ALG5: variants seen among roughly 807,000 people sequenced by gnomAD.
ALG5 encodes ALG5 dolichyl-phosphate beta-glucosyltransferase, also known as dolichyl-phosphate beta-glucosyltransferase.
ALG5 carries 26 observed loss-of-function variants against 51.8 expected under a neutral mutation model. That is an observed-to-expected ratio of 0.50 (90% CI 0.37 to 0.70). ALG5 has a LOEUF of 0.70. Among genes scored for constraint, ALG5 ranks in the 30% least tolerant of loss-of-function variants. The probability of loss-of-function intolerance (pLI) is 0.00; values close to 1 mark genes in which losing one functional copy is unlikely to be tolerated. For missense variants in ALG5, 311 were observed against 399.3 expected, an observed-to-expected ratio of 0.78 and a Z score of 1.88; for synonymous variants, 141 against 136.1, an observed-to-expected ratio of 1.04 and a Z score of -0.25.
intron 8 of ALG5, 37 bp downstream of exon 8, chr13:36,965,538 A>G (rs776940161): frequency 5.0e-6 from 8 of 1,595,302 alleles, no homozygotes; most frequent in Non-Finnish European, 6.0e-6. Flanking sequence ...TGGCTGGGTC[A>G]TAAGACAGAC....
intron 2 of ALG5, 140 bp downstream of exon 2, chr13:36,995,285 G>A (rs1593688391): frequency 3.1e-6 from 3 of 953,390 alleles, no homozygotes; most frequent in Non-Finnish European, 4.7e-6. Context: ...CCTCTCTGCC[G>A]AACTACAACA....
At chr13:36,993,704 T>C in intron 3 of ALG5, 32 bp from the exon 4 acceptor site, 1 of 1,571,336 alleles carries the variant, frequency 6.4e-7, no homozygotes, top group Non-Finnish European at 8.7e-7. Context: ...TAATACAATT[T>C]GGCATAACTG....
At chr13:36,972,844 T>C (rs886799365) in intron 6 of ALG5, among the ~76,000 whole-genome samples, 4 of 151,758 alleles carry the variant, frequency 2.6e-5, no homozygotes, top group Non-Finnish European at 5.9e-5. Flanking sequence ...TTCACAAAAT[T>C]AGCTGGGCGT....
chr13:36,998,507 G>C (rs1352006574), intron 1 of ALG5, among the ~76,000 whole-genome samples: 2 of 152,182 alleles, frequency 1.3e-5, no homozygotes, highest in African/African-American at 4.8e-5. Flanking sequence ...GTGCGGGAGA[G>C]AGTTCGCCAA....
At chr13:36,984,366 G>A (rs750975909) in intron 6 of ALG5, among the ~76,000 whole-genome samples, 2 of 152,016 alleles carry the variant, frequency 1.3e-5, no homozygotes, top group Non-Finnish European at 2.9e-5. Context: ...CTCCCACAGT[G>A]CTGGAATTAC....
At chr13:36,969,072 C>G (rs1056230328) in intron 7 of ALG5, among the ~76,000 whole-genome samples, 2 of 152,140 alleles carry the variant, frequency 1.3e-5, no homozygotes, top group African/African-American at 2.4e-5. Flanking sequence ...TGGATGGAGA[C>G]AAGATGAATT....
Position 36,992,395 on chromosome 13 carries a change from C to T in ALG5, c.354+1209G>A, listed in dbSNP as rs144194656. Among the ~76,000 whole-genome samples the T allele has an allele frequency of 6.5e-3, 983 of 152,218 alleles. 12 individuals are homozygous for T. Among genetic ancestry groups the T allele is most frequent in the African/African-American group, 0.023 (954 of 41,526 alleles). On this transcript the variant is annotated intron_variant, in intron 4 of 9. Coordinates refer to ENST00000239891, the MANE Select transcript of ALG5 (RefSeq NM_013338.5). The stretch of plus-strand genomic sequence containing the variant: ...TGGCACAATACTTGAGACTGCAAAA[C>T]CAAGAAGATAAAGTCATTATATAAG...
rs1331294574 is a variant in ALG5, at chr13:36,969,617, C to T, written c.621+2360G>A. 6.6e-5 allele frequency among the ~76,000 whole-genome samples: 10 copies of T among 152,192 alleles called. No homozygotes were observed. In the South Asian group the frequency reaches 2.1e-3, roughly 32 times the overall value. ...GGCCTGATCTCAGCTCACCTGCAAC[C>T]TCTGCCTCCCGGGTTCACGTGATTC... On this transcript the variant is annotated intron_variant, in intron 7 of 9. Transcript: ENST00000239891.
At chr13:36,955,849 G>A (rs1315327587) in intron 8 of ALG5, among the ~76,000 whole-genome samples, 6 of 151,986 alleles carry the variant, frequency 3.9e-5, no homozygotes. Context: ...CCTCAACATG[G>A]ATTAAAGACT....
chr13:36,950,182 C>A, intron 9 of ALG5, 125 bp from the exon 10 acceptor site: 1 of 540,914 alleles, frequency 1.8e-6, no homozygotes. Context: ...AATCATGGAC[C>A]AAAAAGTTAA....
chr13:36,974,329 T>C lies in ALG5; in HGVS notation c.562-2293A>G, dbSNP rs535305943. Reference sequence around the variant, plus strand: ...TATCTTTCTTATACCATTTGAATTTTGAATGACTAACAAAAATAAATTTAA... The same window carrying C: ...TATCTTTCTTATACCATTTGAATTTCGAATGACTAACAAAAATAAATTTAA... On this transcript the variant is annotated intron_variant, in intron 6 of 9. Transcript: ENST00000239891. 4.0e-3 allele frequency among the ~76,000 whole-genome samples: 604 copies of C among 152,278 alleles called. 5 individuals are homozygous for C. Among genetic ancestry groups the C allele is most frequent in the African/African-American group, 0.014 (565 of 41,524 alleles).
At chr13:36,993,714 G>A in intron 3 of ALG5, 42 bp from the exon 4 acceptor site, 1 of 1,509,968 alleles carries the variant, frequency 6.6e-7, no homozygotes, top group Non-Finnish European at 9.2e-7. Context: ...TGGCATAACT[G>A]CCATAAAGTA....
rs148281101 is a variant in ALG5 at position 36,972,119 on chromosome 13, T to G, written c.562-83A>C. The G allele has an allele frequency of 6.0e-5, 66 of 1,108,566 alleles. 1 individual carries two copies. The East Asian group carries it at 1.7e-3, about 29-fold the overall frequency. 68.7% of individuals were successfully genotyped at this position (1,108,566 alleles called of 1,614,324 possible). ...TATTTTCAATGAGAATATCTCATTT[T>G]TAGAAACTGATTTTAAAAAAGTTGA... is the stretch of plus-strand genomic sequence containing the variant. On this transcript the variant is annotated intron_variant, in intron 6 of 9. Coordinates refer to ENST00000239891, the MANE Select transcript of ALG5 (RefSeq NM_013338.5).
chr13:36,972,466 T>C (rs2058928632), intron 6 of ALG5, among the ~76,000 whole-genome samples: 1 of 152,056 alleles, frequency 6.6e-6, no homozygotes, highest in South Asian at 2.1e-4. Flanking sequence ...AATGAATATA[T>C]ATACAAAACT....
intron 8 of ALG5, among the ~76,000 whole-genome samples, chr13:36,960,367 G>A (rs1490962119): frequency 6.6e-6 from 1 of 152,062 alleles, no homozygotes; most frequent in Non-Finnish European, 1.5e-5. Context: ...AAAAACAGTT[G>A]AAAGTGGCCA....
intron 6 of ALG5, among the ~76,000 whole-genome samples, chr13:36,975,268 A>C (rs2058945231): frequency 6.6e-6 from 1 of 152,192 alleles, no homozygotes; most frequent in African/African-American, 2.4e-5. Context: ...TATTTCTTTT[A>C]TCTGTGGGTT....
chr13:36,974,679 T>C (rs1390626651), intron 6 of ALG5, among the ~76,000 whole-genome samples: 1 of 151,980 alleles, frequency 6.6e-6, no homozygotes, highest in Non-Finnish European at 1.5e-5. Flanking sequence ...CTTCAATAAT[T>C]AGCAACACAT....
chr13:36,986,476 G>A (rs1238643140), intron 5 of ALG5, among the ~76,000 whole-genome samples: 1 of 152,114 alleles, frequency 6.6e-6, no homozygotes. Flanking sequence ...TATATTTATG[G>A]TTTGATATAG....
intron 6 of ALG5, among the ~76,000 whole-genome samples, chr13:36,972,749 T>C (rs2058930447): frequency 6.6e-6 from 1 of 152,098 alleles, no homozygotes; most frequent in Non-Finnish European, 1.5e-5. Context: ...TCGCAGCACT[T>C]TGGGAGGCCA....
Sources: allele counts gnomAD v4.1 joint callset (sites outside exome capture counted in the v4.1 genomes callset), GRCh38; gene constraint gnomAD v4.1.1; transcripts MANE v1.5; gene names NCBI Gene and HGNC (gene_info 2026-07-23, HGNC 2026-07-21).